The following LRP1B variants were observed in gnomAD, a reference collection of about 807,000 sequenced individuals.
LRP1B encodes the protein LDL receptor related protein 1B.
LRP1B carries 217 observed loss-of-function variants against 556.6 expected under a neutral mutation model. The ratio of observed to expected loss-of-function variants is 0.39; its 90% CI spans 0.35 to 0.44. LRP1B has a LOEUF of 0.44. LRP1B is among the 20% of genes least tolerant of loss of function. The pLI, the probability that LRP1B is intolerant of heterozygous loss-of-function variation, is 1.00. For synonymous variants in LRP1B, 2,047 were observed against 1,865.8 expected (o/e 1.10, Z -2.50); for missense variants, 5,053 against 5,620.8 (o/e 0.90, Z 3.23).
chr2:141,723,346 C>T (rs181671356), intron 2 of LRP1B, among the ~76,000 whole-genome samples: 1,761 of 148,670 alleles, frequency 0.012, 20 homozygotes, highest in South Asian at 0.026. Flanking sequence ...GTTTATGAGG[C>T]TTTAATATAA....
At chr2:140,902,598 G>A (rs1299026910) in intron 23 of LRP1B, among the ~76,000 whole-genome samples, 1 of 152,046 alleles carries the variant, frequency 6.6e-6, no homozygotes, top group Non-Finnish European at 1.5e-5. Flanking sequence ...TGTGGGGCAG[G>A]ACCCCCTAAA....
chr2:141,350,256 T>C (rs57281220), intron 3 of LRP1B, among the ~76,000 whole-genome samples: 2,363 of 152,062 alleles, frequency 0.016, 68 homozygotes, highest in African/African-American at 0.053. Context: ...TTTTGGAATA[T>C]GAAAACCATT....
intron 2 of LRP1B, among the ~76,000 whole-genome samples, chr2:141,689,997 G>GA (rs201462531): frequency 0.012 from 1,801 of 151,820 alleles, 46 homozygotes; most frequent in African/African-American, 0.041. Flanking sequence ...CTTTAATTTT[G>GA]AAAAGGTTAC....
chr2:141,115,785 C>T lies in LRP1B; in HGVS notation c.1014-53512G>A, dbSNP rs982783582. On this transcript the variant is annotated intron_variant, in intron 7 of 90. Transcript: ENST00000389484. The stretch of plus-strand genomic sequence containing the variant: ...GCGTGAGCCACCGCGCCCCACCTGA[C>T]TAGCATTTTTAAAGGCAGAGATGGG... Among the ~76,000 whole-genome samples, 8 of 152,032 alleles carry T rather than the reference C, an allele frequency of 5.3e-5. No homozygotes were observed. In the South Asian group the frequency reaches 6.2e-4, roughly 12 times the overall value.
At chr2:140,522,644 T>A (rs4408667) in intron 49 of LRP1B, among the ~76,000 whole-genome samples, 149,586 of 151,814 alleles carry the variant, frequency 0.99, 73,728 homozygotes, top group Middle Eastern at 1. Flanking sequence ...CTTTTAAAGG[T>A]TAGACAATGT....
At chr2:140,272,943 A>G (rs1682526083) in intron 85 of LRP1B, among the ~76,000 whole-genome samples, 1 of 151,944 alleles carries the variant, frequency 6.6e-6, no homozygotes, top group Admixed American at 6.6e-5. Flanking sequence ...TTGCACCTCA[A>G]TAGCCTGCTC....
chr2:142,072,688 A>G (rs962257043), intron 1 of LRP1B, among the ~76,000 whole-genome samples: 15 of 152,000 alleles, frequency 9.9e-5, no homozygotes, highest in African/African-American at 3.6e-4. Flanking sequence ...GGGAAGCCAA[A>G]AGATTGAACA....
intron 2 of LRP1B, among the ~76,000 whole-genome samples, chr2:141,808,742 T>C (rs1222375683): frequency 7.2e-5 from 11 of 152,092 alleles, no homozygotes; most frequent in Admixed American, 7.2e-4. Context: ...CCTCATTCCC[T>C]TGCCTGTGTC....
chr2:140,880,824 T>C (rs1287611458), intron 25 of LRP1B, among the ~76,000 whole-genome samples: 1 of 152,296 alleles, frequency 6.6e-6, no homozygotes, highest in Non-Finnish European at 1.5e-5. Flanking sequence ...CCATTTTAAA[T>C]ATATCCTTGA....
chr2:140,655,895 A>C (rs1324855407), intron 41 of LRP1B, among the ~76,000 whole-genome samples: 1 of 151,372 alleles, frequency 6.6e-6, no homozygotes, highest in East Asian at 1.9e-4. Context: ...GTGAGACGAG[A>C]TCCCGCCACT....
intron 1 of LRP1B, among the ~76,000 whole-genome samples, chr2:142,023,927 CT>C (rs1460381077): frequency 6.6e-6 from 1 of 152,170 alleles, no homozygotes; most frequent in Non-Finnish European, 1.5e-5. Flanking sequence ...AATACTACTA[CT>C]TATTTTCTCT....
intron 3 of LRP1B, among the ~76,000 whole-genome samples, chr2:141,323,087 A>ACTG (rs1029849843): frequency 6.6e-6 from 1 of 152,006 alleles, no homozygotes; most frequent in Non-Finnish European, 1.5e-5. Context: ...TACTATTACT[A>ACTG]CTGCTGCTGC....
intron 84 of LRP1B, among the ~76,000 whole-genome samples, chr2:140,289,193 G>T (rs1683276815): frequency 6.6e-6 from 1 of 151,926 alleles, no homozygotes; most frequent in African/African-American, 2.4e-5. Context: ...TAAACATGCT[G>T]CTGAAATTTC....
chr2:142,019,760 C>T (rs1017442749), intron 1 of LRP1B, among the ~76,000 whole-genome samples: 2 of 152,142 alleles, frequency 1.3e-5, no homozygotes, highest in African/African-American at 4.8e-5. Flanking sequence ...TCCACCTGAT[C>T]CTCTTCTGGA....
rs11326947 is a variant in LRP1B, at chr2:141,741,263, CTTTTTTTTTTTTTTT to C, written c.205+69001_205+69015del. Among the ~76,000 whole-genome samples the C allele has an allele frequency of 6.9e-5, 4 of 57,988 alleles. 1 individual carries two copies. The highest frequency in any genetic ancestry group is 1.3e-3 in the South Asian group (2 of 1,592). The allele number at this position is 57,988 out of a possible 152,430, so 38.0% of individuals were successfully genotyped here. On this transcript the variant is annotated intron_variant, in intron 2 of 90. Coordinates refer to ENST00000389484, the MANE Select transcript of LRP1B (RefSeq NM_018557.3). ...GTTATCTCTTCAGTATACTGATTTCCTTTTTTTTTTTTTTTTTTTTTTTTTTTTTTAGTATATATC... is the reference window on the plus strand; with the variant it reads ...GTTATCTCTTCAGTATACTGATTTCCTTTTTTTTTTTTTTTAGTATATATC...
intron 84 of LRP1B, among the ~76,000 whole-genome samples, chr2:140,296,074 C>CTATA (rs1683590396): frequency 6.6e-6 from 1 of 152,092 alleles, no homozygotes; most frequent in Non-Finnish European, 1.5e-5. Flanking sequence ...ATAGAAAAGA[C>CTATA]TATAGTACAG....
At chr2:141,208,497 C>A (rs1025597275) in intron 6 of LRP1B, 2 of 152,198 alleles carry the variant, frequency 1.3e-5, no homozygotes, top group African/African-American at 4.8e-5. Flanking sequence ...ACCAGAAAAG[C>A]TAGATTAAGG....
At chr2:141,165,744 T>C (rs189631680) in intron 7 of LRP1B, among the ~76,000 whole-genome samples, 93 of 152,186 alleles carry the variant, frequency 6.1e-4, no homozygotes, top group African/African-American at 2.2e-3. Flanking sequence ...TTTTAGTGTA[T>C]GAATATGTAT....
intron 7 of LRP1B, among the ~76,000 whole-genome samples, chr2:141,079,906 T>C (rs1429127106): frequency 6.6e-6 from 1 of 152,202 alleles, no homozygotes; most frequent in East Asian, 1.9e-4. Context: ...ATAATCTTTG[T>C]GGAATAATCC....
Sources: gnomAD v4.1 joint callset for allele counts (sites outside exome capture counted in the v4.1 genomes callset) on GRCh38, gnomAD v4.1.1 for gene constraint, MANE v1.5 for transcripts, NCBI Gene and HGNC (gene_info 2026-07-23, HGNC 2026-07-21) for gene names.